FAM78B: variants seen among roughly 807,000 people sequenced by gnomAD.
FAM78B encodes the protein family with sequence similarity 78 member B.
FAM78B carries 10 observed loss-of-function variants against 20.0 expected under a neutral mutation model. That is an observed-to-expected ratio of 0.50 (90% confidence interval 0.31 to 0.85). The LOEUF (loss-of-function observed/expected upper bound fraction) is 0.85, where lower values mean the gene tolerates loss of function less well. Among genes scored for constraint, FAM78B ranks in the 40% least tolerant of loss-of-function variants. The probability of loss-of-function intolerance (pLI) is 0.05; values close to 1 mark genes in which losing one functional copy is unlikely to be tolerated. For synonymous variants in FAM78B, 135 were observed against 132.8 expected (o/e 1.02, Z -0.12); for missense variants, 283 against 345.0 (o/e 0.82, Z 1.42).
At chr1:166,090,810 A>G (rs554098207) in intron 1 of FAM78B, among the ~76,000 whole-genome samples, 1 of 152,334 alleles carries the variant, frequency 6.6e-6, no homozygotes, top group Admixed American at 6.5e-5. Flanking sequence ...CCATCTGGCC[A>G]TCTGGGAAGA....
At chr1:166,082,476 G>C (rs1374228208) in intron 1 of FAM78B, 1 of 152,190 alleles carries the variant, frequency 6.6e-6, no homozygotes, top group Non-Finnish European at 1.5e-5. Context: ...CAGAGTGTTG[G>C]GATTATGGGC....
intron 1 of FAM78B, chr1:166,147,808 A>AT (rs1263710675): frequency 2.0e-5 from 3 of 151,768 alleles, no homozygotes; most frequent in Admixed American, 1.3e-4. Context: ...TAATTTTTGC[A>AT]TTTTTTGTAG....
At chr1:166,101,072 A>G (rs1004924851) in intron 1 of FAM78B, among the ~76,000 whole-genome samples, 3 of 152,248 alleles carry the variant, frequency 2.0e-5, no homozygotes, top group Non-Finnish European at 4.4e-5. Context: ...GCTGATACCC[A>G]GGCAAACAGG....
chr1:166,095,296 G>T (rs1369759970), intron 1 of FAM78B, among the ~76,000 whole-genome samples: 1 of 152,060 alleles, frequency 6.6e-6, no homozygotes, highest in African/African-American at 2.4e-5. Flanking sequence ...AGCAGCCGGA[G>T]TGCAGGTGGC....
intron 1 of FAM78B, among the ~76,000 whole-genome samples, chr1:166,132,551 G>A (rs1413592615): frequency 6.6e-6 from 1 of 152,156 alleles, no homozygotes; most frequent in African/African-American, 2.4e-5. Flanking sequence ...ATGACAAAGG[G>A]CTTTACCATA....
At chr1:166,100,091 A>G (rs1461885120) in intron 1 of FAM78B, among the ~76,000 whole-genome samples, 1 of 152,238 alleles carries the variant, frequency 6.6e-6, no homozygotes, top group African/African-American at 2.4e-5. Flanking sequence ...AAAACTGGAA[A>G]TCAACTCCAA....
At chr1:166,119,399 G>A (rs182817977) in intron 1 of FAM78B, among the ~76,000 whole-genome samples, 44 of 152,196 alleles carry the variant, frequency 2.9e-4, no homozygotes, top group African/African-American at 9.9e-4. Flanking sequence ...CAAAGGAGAC[G>A]ACGCACATGG....
At chr1:166,109,930 T>G (rs1257870866) in intron 1 of FAM78B, among the ~76,000 whole-genome samples, 14 of 111,932 alleles carry the variant, frequency 1.3e-4, no homozygotes, top group African/African-American at 4.0e-4. Flanking sequence ...AATGGAATAC[T>G]ATGCAGACAT....
In FAM78B at chr1:166,070,658, G is replaced by A. The variant is rs61740243; in HGVS notation, c.369C>T (p.Thr123=). The part of the protein sequence containing the change: ...PWYGNTTETV[T]LVGPTNKISR... ...AGATCTTGTTGGTGGGGCCAACCAGGGTCACAGTTTCTGTGGTGTTCCCGT... is the reference window on the plus strand; with the variant it reads ...AGATCTTGTTGGTGGGGCCAACCAGAGTCACAGTTTCTGTGGTGTTCCCGT... The change falls in exon 2 of 2, where the codon ACC becomes ACT. Residue 123 remains threonine (T), a synonymous_variant. Coordinates refer to ENST00000354422, the MANE Select transcript of FAM78B (RefSeq NM_001017961.5). 7.4e-5 allele frequency: 119 copies of A among 1,613,602 alleles called. No individual in the cohort carries two copies. The highest frequency in any genetic ancestry group is 9.8e-5 in the Non-Finnish European group (116 of 1,180,016).
intron 1 of FAM78B, among the ~76,000 whole-genome samples, chr1:166,147,001 A>C (rs929167440): frequency 3.3e-5 from 5 of 152,184 alleles, no homozygotes; most frequent in Admixed American, 3.3e-4. Flanking sequence ...TAGACATTCT[A>C]AGCTCATAAC....
At chr1:166,159,657 C>CT (rs1264006621) in intron 1 of FAM78B, among the ~76,000 whole-genome samples, 4 of 152,322 alleles carry the variant, frequency 2.6e-5, no homozygotes, top group African/African-American at 9.6e-5. Context: ...ATCTCCTGTC[C>CT]TTGCTTTCCC....
intron 1 of FAM78B, among the ~76,000 whole-genome samples, chr1:166,106,218 A>T (rs1385414001): frequency 6.4e-5 from 4 of 62,154 alleles, no homozygotes; most frequent in Non-Finnish European, 1.2e-4. Flanking sequence ...GGGTGGGGGG[A>T]GGGGGGAGGG....
chr1:166,096,979 C>A (rs1399869645), intron 1 of FAM78B, among the ~76,000 whole-genome samples: 1 of 152,188 alleles, frequency 6.6e-6, no homozygotes, highest in Admixed American at 6.5e-5. Context: ...AGAGGACGCA[C>A]AGACCCTCTG....
chr1:166,068,796 T>C (rs1419958040), downstream of FAM78B, among the ~76,000 whole-genome samples: 2 of 152,142 alleles, frequency 1.3e-5, no homozygotes, highest in Admixed American at 6.5e-5. Flanking sequence ...CAAATATATA[T>C]ACAACCATAT....
downstream of FAM78B, among the ~76,000 whole-genome samples, chr1:166,056,011 G>T (rs1420397176): frequency 2.0e-5 from 3 of 152,188 alleles, no homozygotes; most frequent in Admixed American, 2.0e-4. Flanking sequence ...CATTCTGATA[G>T]AGAAGATGCA....
At chr1:166,154,888 G>GT in intron 1 of FAM78B, 3 of 467,238 alleles carry the variant, frequency 6.4e-6, no homozygotes, top group Non-Finnish European at 1.3e-5. Flanking sequence ...CTAACACCCT[G>GT]TAAGTTAAAA....
chr1:166,065,724 G>A (rs988497633), downstream of FAM78B, among the ~76,000 whole-genome samples: 1 of 152,138 alleles, frequency 6.6e-6, no homozygotes, highest in Admixed American at 6.5e-5. Flanking sequence ...TCCTACCAGG[G>A]AAACTGGAAC....
intron 1 of FAM78B, among the ~76,000 whole-genome samples, chr1:166,111,148 C>T (rs1654036707): frequency 6.6e-6 from 1 of 152,158 alleles, no homozygotes; most frequent in Non-Finnish European, 1.5e-5. Flanking sequence ...ATAGACTTGG[C>T]CCTTCTCTTT....
intron 1 of FAM78B, among the ~76,000 whole-genome samples, chr1:166,129,635 T>C (rs1283529146): frequency 6.6e-6 from 1 of 152,220 alleles, no homozygotes; most frequent in Non-Finnish European, 1.5e-5. Flanking sequence ...CCTGTTCTAT[T>C]CTGGGAAACC....
Sources: gnomAD v4.1 joint callset for allele counts (sites outside exome capture counted in the v4.1 genomes callset) on GRCh38, gnomAD v4.1.1 for gene constraint, MANE v1.5 for transcripts, NCBI Gene and HGNC (gene_info 2026-07-23, HGNC 2026-07-21) for gene names.